Variants in SYCP2L observed in about 807,000 individuals in gnomAD.
SYCP2L encodes synaptonemal complex protein 2 like, also known as synaptonemal complex protein 2-like.
In SYCP2L, 98 loss-of-function variants were observed where a neutral mutation model predicts 125.8. The observed-to-expected ratio is 0.78, with a 90% CI of 0.66 to 0.92. The LOEUF (loss-of-function observed/expected upper bound fraction) is 0.92, where lower values mean the gene tolerates loss of function less well. SYCP2L is among the 40% of genes least tolerant of loss of function. The pLI, the probability that SYCP2L is intolerant of heterozygous loss-of-function variation, is 0.00. For missense variants in SYCP2L, 842 were observed against 936.4 expected, an observed-to-expected ratio of 0.90 and a Z score of 1.32; for synonymous variants, 317 against 325.4, an observed-to-expected ratio of 0.97 and a Z score of 0.28.
At chr6:10,963,594 G>A (rs1781626731) in intron 28 of SYCP2L, among the ~76,000 whole-genome samples, 188 bp from the exon 29 acceptor site, 1 of 152,196 alleles carries the variant, frequency 6.6e-6, no homozygotes, top group South Asian at 2.1e-4. Flanking sequence ...CTGACAGAGA[G>A]AATGCATAAA....
At chr6:10,945,591 G>A (rs1470166518) in intron 23 of SYCP2L, among the ~76,000 whole-genome samples, 2 of 152,032 alleles carry the variant, frequency 1.3e-5, no homozygotes, top group African/African-American at 4.8e-5. Flanking sequence ...CCAACATGGG[G>A]AAACACTGTC....
chr6:10,924,459 A>G (rs771045960), intron 14 of SYCP2L, 37 bp from the exon 15 acceptor site: 1 of 1,468,466 alleles, frequency 6.8e-7, no homozygotes, highest in Non-Finnish European at 9.1e-7. Flanking sequence ...ACATTGAAGT[A>G]TGTTGCTATG....
chr6:10,939,167 A>C (rs1781168800), intron 21 of SYCP2L, among the ~76,000 whole-genome samples: 1 of 152,164 alleles, frequency 6.6e-6, no homozygotes, highest in Admixed American at 6.6e-5. Flanking sequence ...AAAAACACAT[A>C]AAAATAACCA....
At chr6:10,920,827 C>T (rs1780785895) in intron 14 of SYCP2L, among the ~76,000 whole-genome samples, 1 of 145,802 alleles carries the variant, frequency 6.9e-6, no homozygotes, top group Non-Finnish European at 1.5e-5. Context: ...TAATTGCGTT[C>T]CTTTTTTTTT....
At chr6:10,952,468 T>C (rs1781428250) in intron 23 of SYCP2L, among the ~76,000 whole-genome samples, 1 of 151,946 alleles carries the variant, frequency 6.6e-6, no homozygotes, top group Non-Finnish European at 1.5e-5. Flanking sequence ...CTCTCTTTGG[T>C]GGATGTAACT....
At chr6:10,901,438 T>C (rs1388698740) in intron 6 of SYCP2L, among the ~76,000 whole-genome samples, 1 of 152,224 alleles carries the variant, frequency 6.6e-6, no homozygotes, top group Non-Finnish European at 1.5e-5. Context: ...TTATTTTACA[T>C]GGTTCTTGGT....
rs769335051 is a variant in SYCP2L, at chr6:10,893,883, C to T, written c.95C>T (p.Thr32Met). 2.8e-5 allele frequency: 45 copies of T among 1,608,800 alleles called. No individual in the cohort carries two copies. The highest frequency in any genetic ancestry group is 1.7e-4 in the Middle Eastern group (1 of 5,720). The change falls in exon 3 of 30, where the codon ACG (threonine) becomes ATG (methionine). Residue 32 changes from threonine (T) to methionine (M), a missense_variant. Physicochemically the swap from Thr to Met is moderately conservative, Grantham distance 81. Transcript: ENST00000283141. The part of the protein sequence containing the change: ...DDAFWLQSLI[T>M]DAFHDKGFQK... ...TCTTTCCAGCTTCAATCACTTATTACGGATGCATTCCATGATAAAGGATTT... is the reference window on the plus strand; with the variant it reads ...TCTTTCCAGCTTCAATCACTTATTATGGATGCATTCCATGATAAAGGATTT...
At chr6:10,919,891 T>C (rs888151404) in intron 14 of SYCP2L, among the ~76,000 whole-genome samples, 3 of 152,076 alleles carry the variant, frequency 2.0e-5, no homozygotes, top group African/African-American at 7.2e-5. Context: ...CCAGCTCCCA[T>C]GCAATCCAAA....
intron 18 of SYCP2L, among the ~76,000 whole-genome samples, chr6:10,929,717 C>G (rs1016820245): frequency 2.0e-5 from 3 of 151,948 alleles, no homozygotes; most frequent in Non-Finnish European, 4.4e-5. Context: ...GGTGGATCAT[C>G]TGAGGTCAGG....
chr6:10,894,006 C>T lies in SYCP2L; in HGVS notation c.216+2C>T, dbSNP rs765788281. 3 of 1,603,690 alleles carry T rather than the reference C, an allele frequency of 1.9e-6. No individual in the cohort carries two copies. Among genetic ancestry groups the T allele is most frequent in the Non-Finnish European group, 2.5e-6 (3 of 1,177,480 alleles). On this transcript the variant is annotated splice_donor_variant, in intron 3 of 29. Coordinates refer to ENST00000283141, the MANE Select transcript of SYCP2L (RefSeq NM_001040274.3). LOFTEE classifies it low-confidence loss of function (GC_TO_GT_DONOR). ...CGTCTTGACAGATCAATAAATAAGG[C>T]AAGTTGGTTTGCTTTGTGACCAAAA...
At chr6:10,892,965 A>G (rs1005565726) in intron 2 of SYCP2L, among the ~76,000 whole-genome samples, 2 of 92,948 alleles carry the variant, frequency 2.2e-5, no homozygotes, top group African/African-American at 7.9e-5. Flanking sequence ...AAAATCTTTT[A>G]TAGTTTAAAT....
intron 20 of SYCP2L, among the ~76,000 whole-genome samples, chr6:10,934,138 C>G (rs1359159): frequency 0.14 from 20,700 of 152,156 alleles, 1,760 homozygotes; most frequent in East Asian, 0.26. Context: ...TCTCTCTTAA[C>G]TAAATCTCTG....
At chr6:10,915,386 C>T (rs1332438261) in intron 14 of SYCP2L, among the ~76,000 whole-genome samples, 1 of 152,180 alleles carries the variant, frequency 6.6e-6, no homozygotes, top group Non-Finnish European at 1.5e-5. Flanking sequence ...AGTGGGCATC[C>T]TTGTCCTGTT....
intron 10 of SYCP2L, among the ~76,000 whole-genome samples, chr6:10,908,947 CAGTG>C (rs1404632906): frequency 6.6e-6 from 1 of 152,154 alleles, no homozygotes; most frequent in Non-Finnish European, 1.5e-5. Flanking sequence ...CTTGAGAACT[CAGTG>C]AGAGAAACTG....
At chr6:10,914,578 G>A (rs918842135) in intron 14 of SYCP2L, among the ~76,000 whole-genome samples, 1 of 147,468 alleles carries the variant, frequency 6.8e-6, no homozygotes, top group East Asian at 2.1e-4. Flanking sequence ...TATTGAATGT[G>A]TAGATTGCTT....
At chr6:10,897,741 T>A (rs530025415) in intron 4 of SYCP2L, among the ~76,000 whole-genome samples, 7 of 152,232 alleles carry the variant, frequency 4.6e-5, no homozygotes, top group African/African-American at 1.7e-4. Flanking sequence ...TCCTCACTAG[T>A]CCCTTTATAT....
At chr6:10,907,280 T>C (rs148869749) in intron 9 of SYCP2L, among the ~76,000 whole-genome samples, 82 of 152,036 alleles carry the variant, frequency 5.4e-4, no homozygotes, top group African/African-American at 1.8e-3. Flanking sequence ...GAGGCAAAGG[T>C]TGCAGTGAGT....
intron 14 of SYCP2L, among the ~76,000 whole-genome samples, chr6:10,915,960 G>C (rs1344126624): frequency 6.6e-6 from 1 of 152,048 alleles, no homozygotes; most frequent in Non-Finnish European, 1.5e-5. Context: ...TGGACTTTTT[G>C]GTGTTGGTAA....
intron 19 of SYCP2L, among the ~76,000 whole-genome samples, chr6:10,930,825 C>T (rs1780985439): frequency 6.6e-6 from 1 of 152,098 alleles, no homozygotes; most frequent in South Asian, 2.1e-4. Flanking sequence ...TTGAATTAAC[C>T]TTTGGAAAAA....
Sources: gnomAD v4.1 joint callset for allele counts (sites outside exome capture counted in the v4.1 genomes callset) on GRCh38, gnomAD v4.1.1 for gene constraint, MANE v1.5 for transcripts, NCBI Gene and HGNC (gene_info 2026-07-23, HGNC 2026-07-21) for gene names.